GPHN: variants seen among roughly 807,000 people sequenced by gnomAD.
The protein encoded by GPHN is gephyrin.
Under a neutral mutation model 95.5 loss-of-function variants are expected in GPHN, and 17 were observed. The observed-to-expected ratio is 0.18, with a 90% CI of 0.12 to 0.27. GPHN has a LOEUF of 0.27. Ranked by LOEUF, GPHN falls within the 10% of genes least tolerant of loss-of-function variation. GPHN has a pLI of 1.00. For synonymous variants in GPHN, 320 were observed against 322.5 expected, an observed-to-expected ratio of 0.99 and a Z score of 0.08; for missense variants, 660 against 978.1, an observed-to-expected ratio of 0.67 and a Z score of 4.34.
chr14:67,291,265 G>A, the GPHN span, among the ~76,000 whole-genome samples: 4 of 150,844 alleles, frequency 2.7e-5, no homozygotes, highest in Non-Finnish European at 5.9e-5. Flanking sequence ...GTCTTGCTCT[G>A]TTGCCCAGGC....
intron 3 of GPHN, among the ~76,000 whole-genome samples, chr14:66,776,802 A>C (rs2059397741): frequency 6.6e-6 from 1 of 152,058 alleles, no homozygotes; most frequent in Non-Finnish European, 1.5e-5. Context: ...GTGTATAAGC[A>C]TTGGTGTGCA....
intron 21 of GPHN, among the ~76,000 whole-genome samples, chr14:67,175,507 A>G (rs886920964): frequency 6.6e-6 from 1 of 152,188 alleles, no homozygotes; most frequent in Non-Finnish European, 1.5e-5. Flanking sequence ...GCAGTCAGGT[A>G]GCGTGATGCC....
the GPHN span, chr14:67,359,735 G>C: frequency 1.6e-5 from 25 of 1,612,702 alleles, no homozygotes; most frequent in Non-Finnish European, 1.9e-5. Flanking sequence ...CCCCGGCCGG[G>C]CAACCGAGGC....
intron 18 of GPHN, among the ~76,000 whole-genome samples, chr14:67,154,556 CAAAT>C (rs1026771812): frequency 5.3e-5 from 8 of 151,922 alleles, no homozygotes; most frequent in East Asian, 1.9e-4. Flanking sequence ...GGTGCACTAA[CAAAT>C]GAATGAGTGA....
chr14:67,328,763 G>C, the GPHN span, among the ~76,000 whole-genome samples: 1 of 152,102 alleles, frequency 6.6e-6, no homozygotes, highest in African/African-American at 2.4e-5. Flanking sequence ...CTTTTTGTCA[G>C]GTTTGTCAAA....
chr14:67,213,461 A>C, the GPHN span, among the ~76,000 whole-genome samples: 3 of 149,688 alleles, frequency 2.0e-5, no homozygotes, highest in Admixed American at 1.3e-4. Context: ...GATGATTTCC[A>C]ATTTCATCCA....
At chr14:67,043,553 C>G (rs1488358113) in intron 10 of GPHN, among the ~76,000 whole-genome samples, 1 of 152,154 alleles carries the variant, frequency 6.6e-6, no homozygotes, top group Non-Finnish European at 1.5e-5. Flanking sequence ...GTATGTTGAA[C>G]CAGCCTTGCA....
chr14:66,981,106 A>G (rs2153598526), intron 9 of GPHN, among the ~76,000 whole-genome samples: 1 of 152,290 alleles, frequency 6.6e-6, no homozygotes, highest in East Asian at 1.9e-4. Flanking sequence ...GAGGATCTGT[A>G]ACTTGCCACC....
At chr14:66,919,805 G>A (rs1567101917) in intron 6 of GPHN, among the ~76,000 whole-genome samples, 1 of 152,098 alleles carries the variant, frequency 6.6e-6, no homozygotes, top group African/African-American at 2.4e-5. Context: ...TGGGGCTCAG[G>A]TCTGTAATCC....
intron 1 of GPHN, among the ~76,000 whole-genome samples, chr14:66,641,037 A>T (rs1396347420): frequency 6.6e-6 from 1 of 152,208 alleles, no homozygotes; most frequent in Non-Finnish European, 1.5e-5. Context: ...TGGGAGGATG[A>T]AGCTAAAAGG....
chr14:66,617,969 T>A (rs761292261), intron 1 of GPHN, among the ~76,000 whole-genome samples: 5 of 152,184 alleles, frequency 3.3e-5, no homozygotes, highest in Admixed American at 6.5e-5. Context: ...GTTTTTGGCT[T>A]GTGTTGATAT....
At chr14:67,632,367 T>C in the GPHN span, among the ~76,000 whole-genome samples, 1 of 152,214 alleles carries the variant, frequency 6.6e-6, no homozygotes, top group Non-Finnish European at 1.5e-5. Flanking sequence ...TACGTGGCAA[T>C]GTTTTTTACA....
At chr14:67,191,359 A>G in the GPHN span, among the ~76,000 whole-genome samples, 1 of 152,244 alleles carries the variant, frequency 6.6e-6, no homozygotes, top group Non-Finnish European at 1.5e-5. Flanking sequence ...TTATAATAAA[A>G]TATTGGAGGG....
chr14:66,886,988 TG>T (rs1214333573), intron 5 of GPHN, among the ~76,000 whole-genome samples: 3 of 152,164 alleles, frequency 2.0e-5, no homozygotes, highest in Admixed American at 6.6e-5. Context: ...AAGGGATCTC[TG>T]GAACAAGTCC....
At chr14:67,422,431 C>G in the GPHN span, among the ~76,000 whole-genome samples, 6 of 152,172 alleles carry the variant, frequency 3.9e-5, no homozygotes, top group African/African-American at 1.2e-4. Flanking sequence ...GTAATACACT[C>G]TGTGTGAATT....
chr14:66,804,401 T>C (rs563030642), intron 3 of GPHN, among the ~76,000 whole-genome samples: 1 of 152,356 alleles, frequency 6.6e-6, no homozygotes, highest in South Asian at 2.1e-4. Flanking sequence ...AGCAAGTCTT[T>C]GTTTTTCAAT....
chr14:66,893,415 G>C (rs982533103), intron 5 of GPHN, among the ~76,000 whole-genome samples: 2 of 152,104 alleles, frequency 1.3e-5, no homozygotes, highest in South Asian at 2.1e-4. Flanking sequence ...CATACTGAAT[G>C]GGCAAAAACT....
intron 9 of GPHN, among the ~76,000 whole-genome samples, chr14:67,011,915 A>G (rs955594185): frequency 1.9e-4 from 29 of 152,162 alleles, no homozygotes; most frequent in African/African-American, 6.8e-4. Flanking sequence ...AAGATGTCTC[A>G]AAACTACTCT....
chr14:66,750,242 A>T (rs1314604633), intron 2 of GPHN, among the ~76,000 whole-genome samples: 1 of 151,862 alleles, frequency 6.6e-6, no homozygotes, highest in Non-Finnish European at 1.5e-5. Context: ...TTCATTTTGA[A>T]TTAATTTTTG....
Sources: allele counts gnomAD v4.1 joint callset (sites outside exome capture counted in the v4.1 genomes callset), GRCh38; gene constraint gnomAD v4.1.1; transcripts MANE v1.5; gene names NCBI Gene and HGNC (gene_info 2026-07-23, HGNC 2026-07-21).